Variants in DMD observed in about 807,000 individuals in gnomAD.
DMD encodes dystrophin, also known as mutant dystrophin.
A neutral mutation model predicts 330.1 loss-of-function variants in DMD; 63 were observed. The ratio of observed to expected loss-of-function variants is 0.19; its 90% CI spans 0.16 to 0.24. The LOEUF (loss-of-function observed/expected upper bound fraction) is 0.24. Among genes scored for constraint, DMD ranks in the 10% least tolerant of loss-of-function variants. DMD has a pLI of 1.00. For synonymous variants in DMD, 1,223 were observed against 959.8 expected, an observed-to-expected ratio of 1.27 and a Z score of -5.07; for missense variants, 3,344 against 2,684.1, an observed-to-expected ratio of 1.25 and a Z score of -5.43.
intron 53 of DMD, among the ~76,000 whole-genome samples, chrX:31,672,956 C>G (rs186898123): frequency 8.9e-6 from 1 of 112,310 alleles, no homozygotes; most frequent in Admixed American, 9.4e-5. Flanking sequence ...TGGTTTGGAC[C>G]AACACCCTGG....
intron 13 of DMD, among the ~76,000 whole-genome samples, chrX:32,592,793 T>G (rs1304920543): frequency 8.9e-6 from 1 of 112,196 alleles, no homozygotes; most frequent in East Asian, 2.8e-4. Flanking sequence ...TGGCATGCTG[T>G]AACATGCTCC....
intron 43 of DMD, among the ~76,000 whole-genome samples, chrX:32,268,697 G>C (rs911754245): frequency 2.7e-5 from 3 of 111,780 alleles, no homozygotes; most frequent in African/African-American, 9.8e-5. Flanking sequence ...ATTAATACCA[G>C]AATCAATCCT....
intron 1 of DMD, among the ~76,000 whole-genome samples, chrX:33,033,570 C>A (rs1414403515): frequency 1.6e-4 from 12 of 74,922 alleles, no homozygotes; most frequent in East Asian, 9.6e-4. Context: ...AAAAAAAAAA[C>A]TAGCCGGGCG....
chrX:32,811,178 T>TTTA (rs1363211065), intron 6 of DMD, among the ~76,000 whole-genome samples: 4 of 86,503 alleles, frequency 4.6e-5, no homozygotes, highest in African/African-American at 1.7e-4. Flanking sequence ...TACAACTTAT[T>TTTA]AAAAAAAAAA....
At chrX:32,263,627 G>C (rs1332380774) in intron 43 of DMD, among the ~76,000 whole-genome samples, 1 of 111,994 alleles carries the variant, frequency 8.9e-6, no homozygotes, top group East Asian at 2.8e-4. Flanking sequence ...AGGATGAAGA[G>C]AGAGCATTTT....
chrX:33,131,686 CG>C (rs11290001), intron 1 of DMD, among the ~76,000 whole-genome samples: 1,161 of 111,865 alleles, frequency 0.01, 16 homozygotes, highest in African/African-American at 0.036. Context: ...CAGGGTTCAT[CG>C]GTACGATAAG....
chrX:31,445,697 G>A (rs2149080619), intron 59 of DMD, among the ~76,000 whole-genome samples: 1 of 111,414 alleles, frequency 9.0e-6, no homozygotes, highest in Non-Finnish European at 1.9e-5. Flanking sequence ...AGGCTCCCGT[G>A]GGGCTTCTCA....
At chrX:32,181,421 T>C (rs2096926670) in intron 44 of DMD, among the ~76,000 whole-genome samples, 1 of 112,060 alleles carries the variant, frequency 8.9e-6, no homozygotes, top group Non-Finnish European at 1.9e-5. Context: ...CTCAGCTTGC[T>C]AAGATAACTT....
chrX:32,984,954 T>A (rs1297024755), intron 2 of DMD, among the ~76,000 whole-genome samples: 1 of 111,929 alleles, frequency 8.9e-6, no homozygotes, highest in Non-Finnish European at 1.9e-5. Context: ...ATTAGAATTG[T>A]CACTTAATTT....
intron 54 of DMD, among the ~76,000 whole-genome samples, chrX:31,647,625 T>C (rs1020487460): frequency 8.9e-6 from 1 of 112,134 alleles, no homozygotes; most frequent in East Asian, 2.8e-4. Context: ...CCAACTTCAC[T>C]AGGACATTTA....
chrX:33,301,182 G>A (rs1473059546), intron 1 of DMD, among the ~76,000 whole-genome samples: 1 of 111,117 alleles, frequency 9.0e-6, no homozygotes, highest in Non-Finnish European at 1.9e-5. Context: ...AGAAGCATGA[G>A]TTTCCTTCCA....
At chrX:32,702,970 T>A (rs992980419) in intron 7 of DMD, among the ~76,000 whole-genome samples, 9 of 111,164 alleles carry the variant, frequency 8.1e-5, no homozygotes, top group African/African-American at 2.9e-4. Flanking sequence ...CCAACAAAAG[T>A]TTCAATCTAC....
In DMD at chrX:32,456,037, G is replaced by T. The variant is rs139639484; in HGVS notation, c.3433-1205C>A. On this transcript the variant is annotated intron_variant, in intron 25 of 78. Transcript: ENST00000357033. ...CTTTAAAAAGTAACTCTATTCAAAA[G>T]ATGGTATTCTTCTCTCTGGTTGAAA... Among the ~76,000 whole-genome samples the T allele has an allele frequency of 5.1e-4, 56 of 110,862 alleles. 2 individuals carry two copies. The East Asian group carries it at 0.016, about 31-fold the overall frequency.
In DMD at chrX:32,823,330, G is replaced by C; in HGVS notation, c.322C>G (p.Leu108Val). 1.7e-6 allele frequency: 2 copies of C among 1,209,540 alleles called. No homozygotes were observed. The highest frequency in any genetic ancestry group is 2.2e-6 in the Non-Finnish European group (2 of 893,916). Residue 108 changes from leucine (L) to valine (V), a missense_variant, in exon 5 of 79, where the codon CTT becomes GTT. Physicochemically the swap from Leu to Val is conservative, Grantham distance 32 (BLOSUM62 1). Transcript: ENST00000357033. ...DIVDGNHKLT[L>V]GLIWNIILHW... Reference sequence around the variant, plus strand: ...AGGATTATATTCCAAATCAAACCAAGAGTCAGTTTATGATTTCCATCTACG... The same window carrying C: ...AGGATTATATTCCAAATCAAACCAACAGTCAGTTTATGATTTCCATCTACG...
At chrX:32,530,982 T>A (rs1248182339) in intron 17 of DMD, among the ~76,000 whole-genome samples, 1 of 111,855 alleles carries the variant, frequency 8.9e-6, no homozygotes, top group Non-Finnish European at 1.9e-5. Context: ...GTCCTTATGA[T>A]AAATAAATGT....
chrX:32,896,779 CTT>C (rs892701232), intron 2 of DMD, among the ~76,000 whole-genome samples: 2 of 112,615 alleles, frequency 1.8e-5, no homozygotes, highest in Admixed American at 1.9e-4. Context: ...AGAAAAGTGT[CTT>C]TGCCACATTA....
chrX:31,318,599 A>C (rs2056209911), intron 62 of DMD, among the ~76,000 whole-genome samples: 1 of 112,367 alleles, frequency 8.9e-6, no homozygotes, highest in Non-Finnish European at 1.9e-5. Flanking sequence ...AGAAGGGTCG[A>C]TCAAGGTCAT....
At chrX:31,971,002 T>A (rs2150202074) in intron 44 of DMD, among the ~76,000 whole-genome samples, 1 of 111,657 alleles carries the variant, frequency 9.0e-6, no homozygotes, top group Admixed American at 9.5e-5. Context: ...ACACATCAGA[T>A]GTATACCATA....
intron 7 of DMD, among the ~76,000 whole-genome samples, chrX:32,758,838 C>A (rs768505979): frequency 8.9e-5 from 10 of 111,767 alleles, no homozygotes; most frequent in Non-Finnish European, 1.3e-4. Flanking sequence ...CATCCCCTGC[C>A]TGTCTCCCAA....
Sources: gnomAD v4.1 joint callset for allele counts (sites outside exome capture counted in the v4.1 genomes callset) on GRCh38, gnomAD v4.1.1 for gene constraint, MANE v1.5 for transcripts, NCBI Gene and HGNC (gene_info 2026-07-23, HGNC 2026-07-21) for gene names.